The following STRN variants were observed in gnomAD, a reference collection of about 807,000 sequenced individuals.
The protein encoded by STRN is protein phosphatase 2 regulatory subunit B'''alpha.
A neutral mutation model predicts 96.3 loss-of-function variants in STRN; 53 were observed. The ratio of observed to expected loss-of-function variants is 0.55; its 90% CI spans 0.44 to 0.69. The LOEUF is 0.69. Among genes scored for constraint, STRN ranks in the 30% least tolerant of loss-of-function variants. STRN has a pLI of 0.00. For missense variants in STRN, 987 were observed against 963.9 expected (o/e 1.02, Z -0.32); for synonymous variants, 428 against 355.9 (o/e 1.20, Z -2.28).
At chr2:36,943,109 G>C (rs1018056229) in intron 1 of STRN, among the ~76,000 whole-genome samples, 1 of 151,804 alleles carries the variant, frequency 6.6e-6, no homozygotes, top group African/African-American at 2.4e-5. Context: ...CCACCCAAAT[G>C]CTCAAAAAGA....
intron 1 of STRN, 123 bp downstream of exon 1, chr2:36,966,107 G>A (rs1665152647): frequency 8.5e-7 from 1 of 1,182,954 alleles, no homozygotes; most frequent in African/African-American, 1.6e-5. Context: ...GCTCCGGGTG[G>A]GATGGGCGGC....
chr2:36,920,324 A>G (rs1382321513), intron 2 of STRN, among the ~76,000 whole-genome samples: 2 of 152,206 alleles, frequency 1.3e-5, no homozygotes, highest in Non-Finnish European at 2.9e-5. Context: ...ATAATCCCAA[A>G]TCATTCCATA....
intron 6 of STRN, among the ~76,000 whole-genome samples, chr2:36,898,455 TG>T (rs1254441634): frequency 6.6e-6 from 1 of 152,236 alleles, no homozygotes; most frequent in Non-Finnish European, 1.5e-5. Flanking sequence ...ATAGTCGTGA[TG>T]GAAAACAATA....
In STRN at chr2:36,838,878, T is replaced by C. The variant is rs181744793; in HGVS notation, c.*10578A>G. Among the ~76,000 whole-genome samples, 68 of 152,276 alleles carry C rather than the reference T, an allele frequency of 4.5e-4. 2 individuals are homozygous for C. In the East Asian group the frequency reaches 0.012, roughly 27 times the overall value. The stretch of plus-strand genomic sequence containing the variant: ...TGTGAGATGCAGAGAACGTACATGA[T>C]CCCATTTATTTAAAGCAAACTGCCC... On this transcript the variant is annotated 3_prime_UTR_variant, in exon 18 of 18. Transcript: ENST00000263918.
chr2:36,952,553 T>C (rs535953673), intron 1 of STRN, among the ~76,000 whole-genome samples: 1 of 152,194 alleles, frequency 6.6e-6, no homozygotes, highest in East Asian at 1.9e-4. Flanking sequence ...TCTTCCCAAA[T>C]TTCTCACCTA....
intron 15 of STRN, among the ~76,000 whole-genome samples, chr2:36,852,496 C>A (rs1032249263): frequency 1.3e-5 from 2 of 152,042 alleles, no homozygotes; most frequent in African/African-American, 4.8e-5. Context: ...GCTAAAGGAT[C>A]TAGGGGAATA....
At chr2:36,884,132 A>G (rs1669150199) in intron 8 of STRN, 57 bp from the exon 9 acceptor site, 1 of 1,286,126 alleles carries the variant, frequency 7.8e-7, no homozygotes, top group Non-Finnish European at 1.0e-6. Flanking sequence ...GAATTATCCA[A>G]TTGCATCAAA....
chr2:36,949,725 G>C (rs2148265997), intron 1 of STRN, among the ~76,000 whole-genome samples: 1 of 152,302 alleles, frequency 6.6e-6, no homozygotes, highest in East Asian at 1.9e-4. Context: ...CTGAGGAAAA[G>C]GGTCAACTGG....
intron 9 of STRN, among the ~76,000 whole-genome samples, chr2:36,883,436 G>C (rs570681794): frequency 1.3e-5 from 2 of 152,020 alleles, no homozygotes; most frequent in African/African-American, 4.8e-5. Context: ...CAGCCTGGGC[G>C]ATAGAGCGAG....
chr2:36,889,934 CAT>C (rs1235601117), intron 7 of STRN, among the ~76,000 whole-genome samples: 1 of 152,108 alleles, frequency 6.6e-6, no homozygotes, highest in Non-Finnish European at 1.5e-5. Flanking sequence ...AATGTACACA[CAT>C]GTATCATATA....
chr2:36,856,628 A>G (rs1424898313), intron 14 of STRN, among the ~76,000 whole-genome samples: 1 of 152,220 alleles, frequency 6.6e-6, no homozygotes, highest in African/African-American at 2.4e-5. Flanking sequence ...CTGGCTGGGA[A>G]TAAGGAAAGG....
At chr2:36,864,935 G>C (rs1000772763) in intron 12 of STRN, among the ~76,000 whole-genome samples, 2 of 152,048 alleles carry the variant, frequency 1.3e-5, no homozygotes, top group African/African-American at 4.8e-5. Context: ...GGCTGGTCTC[G>C]AACTCCTGAT....
chr2:36,950,500 T>A (rs185965516), intron 1 of STRN, among the ~76,000 whole-genome samples: 2 of 152,236 alleles, frequency 1.3e-5, no homozygotes, highest in African/African-American at 4.8e-5. Flanking sequence ...ACAGGCGTAG[T>A]TTTTACTTAG....
intron 16 of STRN, 38 bp from the exon 17 acceptor site, chr2:36,849,838 T>G: frequency 6.3e-7 from 1 of 1,587,870 alleles, no homozygotes. Context: ...ATTAATGCCT[T>G]TCCTCATCTT....
intron 1 of STRN, among the ~76,000 whole-genome samples, chr2:36,961,846 CCTCTA>C: frequency 6.6e-6 from 1 of 152,304 alleles, no homozygotes; most frequent in East Asian, 1.9e-4. Context: ...CCATTCTCTT[CCTCTA>C]CTCTAGCCAC....
chr2:36,881,975 T>C (rs551795970), intron 9 of STRN, among the ~76,000 whole-genome samples: 2 of 152,294 alleles, frequency 1.3e-5, no homozygotes, highest in South Asian at 2.1e-4. Flanking sequence ...TGACCTCACA[T>C]CTGTAATTCA....
rs148892903 is a variant in STRN, at chr2:36,885,779, C to T, written c.1042+937G>A. 6.2e-4 allele frequency among the ~76,000 whole-genome samples: 95 copies of T among 152,224 alleles called. 2 individuals carry two copies. The East Asian group carries it at 0.014, about 22-fold the overall frequency. ...GAGAAAAAGAAAAAGCATACCTTTC[C>T]AGTCTTTCGCAACTTTAAAATACAT... On this transcript the variant is annotated intron_variant, in intron 8 of 17. Coordinates refer to ENST00000263918, the MANE Select transcript of STRN (RefSeq NM_003162.4).
At chr2:36,897,185 T>G (rs934594523) in intron 6 of STRN, among the ~76,000 whole-genome samples, 10 of 151,414 alleles carry the variant, frequency 6.6e-5, no homozygotes, top group South Asian at 2.1e-4. Flanking sequence ...AAAAGAAAAA[T>G]AAAATAAAAT....
rs185509120 is a variant in STRN at position 36,949,240 on chromosome 2, G to A, written c.234+16990C>T. On this transcript the variant is annotated intron_variant, in intron 1 of 17. Coordinates refer to ENST00000263918, the MANE Select transcript of STRN (RefSeq NM_003162.4). ...GTATGTAGCAGGCTATACCATCTAGGGTTGTGTAAGTACACTCTACATGTT... is the reference window on the plus strand; with the variant it reads ...GTATGTAGCAGGCTATACCATCTAGAGTTGTGTAAGTACACTCTACATGTT... 1.3e-3 allele frequency among the ~76,000 whole-genome samples: 203 copies of A among 152,212 alleles called. 6 individuals carry two copies. The highest frequency in any genetic ancestry group is 0.013 in the Admixed American group (198 of 15,296).
Sources: allele counts gnomAD v4.1 joint callset (sites outside exome capture counted in the v4.1 genomes callset), GRCh38; gene constraint gnomAD v4.1.1; transcripts MANE v1.5; gene names NCBI Gene and HGNC (gene_info 2026-07-23, HGNC 2026-07-21).